Variants in IGSF21 observed in about 807,000 individuals in gnomAD.
IGSF21 encodes the protein immunoglobulin superfamily member 21.
Under a neutral mutation model 46.8 loss-of-function variants are expected in IGSF21, and 28 were observed. The ratio of observed to expected loss-of-function variants is 0.60; its 90% CI spans 0.44 to 0.82. The LOEUF (loss-of-function observed/expected upper bound fraction) is 0.82. Ranked by LOEUF, IGSF21 falls within the 40% of genes least tolerant of loss-of-function variation. The pLI is 0.00. For missense variants in IGSF21, 624 were observed against 665.5 expected, an observed-to-expected ratio of 0.94 and a Z score of 0.69; for synonymous variants, 284 against 273.6, an observed-to-expected ratio of 1.04 and a Z score of -0.38.
At chr1:18,114,241 C>G (rs2086167103) in intron 1 of IGSF21, 1 of 152,158 alleles carries the variant, frequency 6.6e-6, no homozygotes, top group Non-Finnish European at 1.5e-5. Context: ...GTAAAATGTA[C>G]AGATGGAGGC....
intron 1 of IGSF21, among the ~76,000 whole-genome samples, chr1:18,198,727 C>G (rs1257153030): frequency 6.6e-6 from 1 of 152,096 alleles, no homozygotes; most frequent in Admixed American, 6.6e-5. Flanking sequence ...CCACACTGGG[C>G]CCCAGGTGGA....
At chr1:18,131,619 C>T (rs2086322228) in intron 1 of IGSF21, among the ~76,000 whole-genome samples, 6 of 152,182 alleles carry the variant, frequency 3.9e-5, no homozygotes, top group Admixed American at 3.9e-4. Context: ...CTGGCACAAG[C>T]TCGATAGAAG....
intron 1 of IGSF21, among the ~76,000 whole-genome samples, chr1:18,143,168 G>A (rs539276388): frequency 2.6e-5 from 4 of 152,318 alleles, no homozygotes; most frequent in Non-Finnish European, 4.4e-5. Context: ...CTGGGCCTGC[G>A]TCCTTGAGCT....
chr1:18,365,795 G>T lies in IGSF21; in HGVS notation c.1015+98G>T. 2 of 1,046,414 alleles carry T rather than the reference G, an allele frequency of 1.9e-6. No individual in the cohort carries two copies. Among genetic ancestry groups the T allele is most frequent in the South Asian group, 1.6e-5 (1 of 61,430 alleles). The allele number at this position is 1,046,414 out of a possible 1,614,324, so 64.8% of individuals were successfully genotyped here. On this transcript the variant is annotated intron_variant, in intron 6 of 9. Transcript: ENST00000251296. This position sits in a 1 kb window ranked among gnomAD's most constrained non-coding sequence, Gnocchi z 4.8. ...CCTGGGCTGAGGACAGCCATGGAAA[G>T]GGGGAGGAGATGGAGCAAACTGGAG... is the stretch of plus-strand genomic sequence containing the variant.
chr1:18,315,791 T>C lies in IGSF21; in HGVS notation c.306-19101T>C, dbSNP rs78713849. Among the ~76,000 whole-genome samples the C allele has an allele frequency of 4.1e-5, 6 of 148,124 alleles. No homozygotes were observed. In the East Asian group the frequency reaches 1.2e-3, roughly 30 times the overall value. On this transcript the variant is annotated intron_variant, in intron 3 of 9. Coordinates refer to ENST00000251296, the MANE Select transcript of IGSF21 (RefSeq NM_032880.5). ...GATAGCTGGAAAGATGAGAAGTGAA[T>C]GAATGGATGGATGGGTGGTGGATAG... is the stretch of plus-strand genomic sequence containing the variant.
intron 1 of IGSF21, among the ~76,000 whole-genome samples, chr1:18,226,367 C>T (rs1382519009): frequency 6.6e-6 from 1 of 152,178 alleles, no homozygotes; most frequent in Non-Finnish European, 1.5e-5. Context: ...TGGCCCCAGG[C>T]CCGCACAGGG....
At chr1:18,306,704 C>G (rs1242195077) in intron 3 of IGSF21, among the ~76,000 whole-genome samples, 1 of 152,176 alleles carries the variant, frequency 6.6e-6, no homozygotes, top group Non-Finnish European at 1.5e-5. Flanking sequence ...AGCAGAGAGG[C>G]CTGGGTTCTA....
chr1:18,244,442 G>C (rs1186148311), intron 2 of IGSF21, among the ~76,000 whole-genome samples: 3 of 152,220 alleles, frequency 2.0e-5, no homozygotes, highest in African/African-American at 4.8e-5. Flanking sequence ...GGTGATGCTG[G>C]GTGGGCCTTT....
At chr1:18,221,654 G>A (rs2084511599) in intron 1 of IGSF21, among the ~76,000 whole-genome samples, 1 of 152,128 alleles carries the variant, frequency 6.6e-6, no homozygotes, top group Non-Finnish European at 1.5e-5. Flanking sequence ...GAGAGTGATG[G>A]CACCATCCAG....
intron 1 of IGSF21, among the ~76,000 whole-genome samples, chr1:18,108,985 A>AGTGT (rs10686337): frequency 0.22 from 28,420 of 127,700 alleles, 3,087 homozygotes; most frequent in Non-Finnish European, 0.24. Context: ...TGAGCAGCTC[A>AGTGT]GTGTGTGTGT....
intron 2 of IGSF21, among the ~76,000 whole-genome samples, chr1:18,233,873 C>T (rs573500536): frequency 2.0e-5 from 3 of 152,240 alleles, no homozygotes; most frequent in Admixed American, 2.0e-4. Context: ...TTTAGCTCTC[C>T]CTGAAACAGG....
chr1:18,208,609 G>A (rs1364465552), intron 1 of IGSF21, among the ~76,000 whole-genome samples: 1 of 141,792 alleles, frequency 7.1e-6, no homozygotes, highest in Non-Finnish European at 1.5e-5. Context: ...ATGTTAGCCA[G>A]GATGGTCTTG....
In IGSF21 at chr1:18,225,085, T is replaced by TCACACACA. The variant is rs529286231; in HGVS notation, c.71-2776_71-2769dup. Among the ~76,000 whole-genome samples the TCACACACA allele has an allele frequency of 3.4e-3, 177 of 51,544 alleles. 1 individual carries two copies. The highest frequency in any genetic ancestry group is 8.8e-3 in the African/African-American group (124 of 14,168). 33.8% of individuals were successfully genotyped at this position (51,544 alleles called of 152,430 possible). ...GTATCTCTCTCTCTCTCTCTCTCTC[T>TCACACACA]CACACACACACACACACACACACAC... On this transcript the variant is annotated intron_variant, in intron 1 of 9. Coordinates refer to ENST00000251296, the MANE Select transcript of IGSF21 (RefSeq NM_032880.5).
chr1:18,122,745 C>T lies in IGSF21; in HGVS notation c.70+14547C>T, dbSNP rs532290810. On this transcript the variant is annotated intron_variant, in intron 1 of 9. Coordinates refer to ENST00000251296, the MANE Select transcript of IGSF21 (RefSeq NM_032880.5). The stretch of plus-strand genomic sequence containing the variant: ...AAGCAATTCTCCTGCTTCAGCCTCC[C>T]GAGTAGCTGGCACTACAGGTGCATG... Among the ~76,000 whole-genome samples, 6 of 151,942 alleles carry T rather than the reference C, an allele frequency of 3.9e-5. No homozygotes were observed. The South Asian group carries it at 6.3e-4, about 16-fold the overall frequency.
chr1:18,363,671 G>A (rs548431264), intron 5 of IGSF21, among the ~76,000 whole-genome samples: 1 of 151,738 alleles, frequency 6.6e-6, no homozygotes, highest in Non-Finnish European at 1.5e-5. Flanking sequence ...ATGGGCAGGG[G>A]CACAGAAGCA....
chr1:18,312,110 G>A (rs2085494382), intron 3 of IGSF21, among the ~76,000 whole-genome samples: 1 of 152,152 alleles, frequency 6.6e-6, no homozygotes, highest in Non-Finnish European at 1.5e-5. Flanking sequence ...ATCCTCACTT[G>A]TTTGCCCATC....
At chr1:18,128,619 C>T (rs565770946) in intron 1 of IGSF21, among the ~76,000 whole-genome samples, 2 of 152,248 alleles carry the variant, frequency 1.3e-5, no homozygotes, top group South Asian at 2.1e-4. Flanking sequence ...CAATTCTAGA[C>T]CTGTTCTTAT....
intron 2 of IGSF21, among the ~76,000 whole-genome samples, chr1:18,272,623 A>G (rs974600633): frequency 3.3e-5 from 5 of 152,092 alleles, no homozygotes; most frequent in African/African-American, 1.2e-4. Flanking sequence ...CCCTTCTTCC[A>G]TTTTCCAGCT....
intron 4 of IGSF21, among the ~76,000 whole-genome samples, chr1:18,336,933 C>T (rs901824514): frequency 6.6e-6 from 1 of 152,202 alleles, no homozygotes; most frequent in African/African-American, 2.4e-5. Flanking sequence ...TTTATGAAAT[C>T]ATCAGATCTT....
Sources: gnomAD v4.1 joint callset for allele counts (sites outside exome capture counted in the v4.1 genomes callset) on GRCh38, gnomAD v4.1.1 for gene constraint, Gnocchi (gnomAD v3.1) non-coding constraint, MANE v1.5 for transcripts, NCBI Gene and HGNC (gene_info 2026-07-23, HGNC 2026-07-21) for gene names.